DNAH5: variants seen among roughly 807,000 people sequenced by gnomAD.
DNAH5 encodes dynein axonemal heavy chain 5, also known as axonemal beta dynein heavy chain 5.
In DNAH5, 372 loss-of-function variants were observed where a neutral mutation model predicts 518.2. The observed-to-expected ratio is 0.72, with a 90% CI of 0.66 to 0.78. DNAH5 has a LOEUF of 0.78. DNAH5 is among the 30% of genes least tolerant of loss of function. The probability of loss-of-function intolerance (pLI) is 0.00; values close to 1 mark genes in which losing one functional copy is unlikely to be tolerated. For synonymous variants in DNAH5, 2,039 were observed against 2,025.9 expected, an observed-to-expected ratio of 1.01 and a Z score of -0.17; for missense variants, 5,523 against 5,687.0, an observed-to-expected ratio of 0.97 and a Z score of 0.93.
intron 22 of DNAH5, 32 bp downstream of exon 22, chr5:13,876,652 A>G: frequency 6.2e-7 from 1 of 1,609,122 alleles, no homozygotes; most frequent in South Asian, 1.1e-5. Context: ...TTGCAAAGCA[A>G]AAGGTCCGGC....
At chr5:13,948,319 A>AAAG (rs1262824130), upstream of DNAH5, among the ~76,000 whole-genome samples, 10 of 152,300 alleles carry the variant, frequency 6.6e-5, no homozygotes. Flanking sequence ...GTGATGTTTA[A>AAAG]AAGAGCTTCA....
intron 47 of DNAH5, among the ~76,000 whole-genome samples, chr5:13,796,302 C>G (rs1757808770): frequency 6.6e-6 from 1 of 152,158 alleles, no homozygotes; most frequent in South Asian, 2.1e-4. Context: ...TAGAAAACAC[C>G]ATTGTCTCAG....
At chr5:13,964,077 A>C (rs879871773) in intron 1 of DNAH5, among the ~76,000 whole-genome samples, 2 of 152,254 alleles carry the variant, frequency 1.3e-5, no homozygotes, top group Admixed American at 6.5e-5. Flanking sequence ...CACTGTCCAC[A>C]GTAGTCTGAT....
At chr5:13,927,222 C>T (rs1394549077) in intron 3 of DNAH5, among the ~76,000 whole-genome samples, 5 of 152,252 alleles carry the variant, frequency 3.3e-5, no homozygotes, top group Admixed American at 6.5e-5. Context: ...GGGCCAGGCA[C>T]GGTGGCTCAC....
At chr5:13,897,776 T>C (rs1774086844) in intron 15 of DNAH5, 3 of 152,354 alleles carry the variant, frequency 2.0e-5, no homozygotes, top group Admixed American at 6.5e-5. Flanking sequence ...TGAATTGTCA[T>C]TTAAAACATT....
intron 2 of DNAH5, among the ~76,000 whole-genome samples, chr5:13,930,417 C>T (rs1778307512): frequency 1.3e-5 from 2 of 152,162 alleles, no homozygotes; most frequent in African/African-American, 2.4e-5. Flanking sequence ...TACAAGACTA[C>T]CACTGAAAAG....
rs1395647219 is a variant in DNAH5, at chr5:13,922,243, G to A, written c.524C>T (p.Ala175Val). The A allele has an allele frequency of 1.2e-6, 2 of 1,613,996 alleles. No homozygotes were observed. The highest frequency in any genetic ancestry group is 2.2e-5 in the South Asian group (2 of 91,082). Reference protein sequence around the residue: ...RRLLSDIFIPALRATSHGWGE... With the variant: ...RRLLSDIFIPVLRATSHGWGE... Reference sequence around the variant, plus strand: ...CCAGCCATGGCTCGTGGCTCTGAGAGCAGGAATGAAGATGTCCGACAGCAA... The same window carrying A: ...CCAGCCATGGCTCGTGGCTCTGAGAACAGGAATGAAGATGTCCGACAGCAA... Residue 175 changes from alanine (A) to valine (V), a missense_variant, in exon 5 of 79, where the codon GCT becomes GTT. Physicochemically the swap from Ala to Val is moderately conservative, Grantham distance 64. Around this residue, in one of 3 missense-constraint regions of DNAH5, gnomAD observed 5,121 missense variants for 5,223.3 expected, o/e 0.98. Transcript: ENST00000265104.
chr5:13,767,163 C>T (rs186464780), intron 58 of DNAH5, among the ~76,000 whole-genome samples: 2 of 152,292 alleles, frequency 1.3e-5, no homozygotes, highest in Admixed American at 6.5e-5. Flanking sequence ...CTCACTCTGT[C>T]ACCCAGGCTG....
At chr5:13,847,528 T>A (rs761615644) in intron 31 of DNAH5, among the ~76,000 whole-genome samples, 14 of 151,570 alleles carry the variant, frequency 9.2e-5, no homozygotes, top group Non-Finnish European at 1.9e-4. Flanking sequence ...GAGACCAGCC[T>A]GGCCACCATG....
intron 1 of DNAH5, among the ~76,000 whole-genome samples, chr5:13,969,262 G>T (rs1199767423): frequency 6.6e-6 from 1 of 151,960 alleles, no homozygotes; most frequent in African/African-American, 2.4e-5. Flanking sequence ...TCTTTTCAAA[G>T]AACCAGCTTT....
intron 21 of DNAH5, among the ~76,000 whole-genome samples, chr5:13,881,508 C>T (rs773479556): frequency 1.0e-3 from 159 of 151,796 alleles, no homozygotes; most frequent in Non-Finnish European, 7.2e-4. Flanking sequence ...GGAAAAAAAT[C>T]AAACAGGAAA....
chr5:13,972,985 C>T (rs565462455), intron 1 of DNAH5, among the ~76,000 whole-genome samples: 6 of 152,252 alleles, frequency 3.9e-5, no homozygotes, highest in African/African-American at 9.6e-5. Flanking sequence ...TTTCTAATCT[C>T]GGAAGCCTGT....
chr5:13,968,218 T>A (rs1781654643), intron 1 of DNAH5, among the ~76,000 whole-genome samples: 1 of 152,104 alleles, frequency 6.6e-6, no homozygotes, highest in South Asian at 2.1e-4. Context: ...TTGGGATGAG[T>A]CTTTAGAGTT....
chr5:13,771,753 C>T (rs142604293), intron 55 of DNAH5, among the ~76,000 whole-genome samples: 14 of 152,188 alleles, frequency 9.2e-5, no homozygotes, highest in South Asian at 2.1e-4. Context: ...ACACAAAATA[C>T]GGTTAAAATT....
chr5:13,746,689 A>T (rs187638064), intron 65 of DNAH5, among the ~76,000 whole-genome samples: 2 of 152,254 alleles, frequency 1.3e-5, no homozygotes, highest in East Asian at 3.9e-4. Context: ...TATTTGATTC[A>T]GGTTGAGTTT....
At chr5:13,752,615 C>T (rs1750398333) in intron 63 of DNAH5, among the ~76,000 whole-genome samples, 1 of 152,214 alleles carries the variant, frequency 6.6e-6, no homozygotes, top group Admixed American at 6.5e-5. Context: ...CGTGTTCTGA[C>T]TTGGGTCCCA....
At chr5:13,770,122 C>A (rs758269708) in intron 56 of DNAH5, among the ~76,000 whole-genome samples, 1 of 152,092 alleles carries the variant, frequency 6.6e-6, no homozygotes, top group Non-Finnish European at 1.5e-5. Context: ...GGGAACCCTC[C>A]GAGTCATTTC....
Position 13,870,917 on chromosome 5 carries a change from C to A in DNAH5, c.3684G>T (p.Glu1228Asp), listed in dbSNP as rs780079379. 2 of 1,613,736 alleles carry A rather than the reference C, an allele frequency of 1.2e-6. No individual in the cohort carries two copies. Among genetic ancestry groups the A allele is most frequent in the Non-Finnish European group, 1.7e-6 (2 of 1,179,852 alleles). ...GRHCNKKYRS[E>D]MENIFMLIEE... ...CAATAAGCATAAAAATGTTTTCCAT[C>A]TCACTCCGGTATTTTTTGTTACAGT... The change falls in exon 24 of 79, where the codon GAG (glutamate) becomes GAT (aspartate). Residue 1228 changes from glutamate to aspartate, a missense_variant. Around this residue, in one of 3 missense-constraint regions of DNAH5, gnomAD observed 5,121 missense variants for 5,223.3 expected, o/e 0.98. Coordinates refer to ENST00000265104, the MANE Select transcript of DNAH5 (RefSeq NM_001369.3).
chr5:13,781,835 G>A (rs779684576), intron 52 of DNAH5, among the ~76,000 whole-genome samples: 11 of 152,106 alleles, frequency 7.2e-5, no homozygotes, highest in Admixed American at 3.3e-4. Flanking sequence ...GAAAGAAAAT[G>A]AGCATAAACA....
Sources: allele counts gnomAD v4.1 joint callset (sites outside exome capture counted in the v4.1 genomes callset), GRCh38; gene constraint gnomAD v4.1.1; regional missense constraint gnomAD v4.1.1; transcripts MANE v1.5; gene names NCBI Gene and HGNC (gene_info 2026-07-23, HGNC 2026-07-21).